ARHGAP15: variants seen among roughly 807,000 people sequenced by gnomAD.
The protein encoded by ARHGAP15 is Rho GTPase activating protein 15, also known as rho GTPase-activating protein 15.
A neutral mutation model predicts 63.7 loss-of-function variants in ARHGAP15; 51 were observed. The ratio of observed to expected loss-of-function variants is 0.80; its 90% CI spans 0.64 to 1.01. The LOEUF is 1.01. Ranked by LOEUF, ARHGAP15 falls within the 50% of genes least tolerant of loss-of-function variation. The pLI is 0.00. For missense variants in ARHGAP15, 560 were observed against 564.6 expected, an observed-to-expected ratio of 0.99 and a Z score of 0.08; for synonymous variants, 191 against 193.8, an observed-to-expected ratio of 0.99 and a Z score of 0.12.
intron 8 of ARHGAP15, among the ~76,000 whole-genome samples, chr2:143,470,584 C>CAT (rs952787949): frequency 1.4e-5 from 2 of 147,396 alleles, no homozygotes; most frequent in Non-Finnish European, 3.0e-5. Flanking sequence ...TGTGTGTGTA[C>CAT]ATATATATAT....
chr2:143,413,791 T>G (rs188177580), intron 6 of ARHGAP15, among the ~76,000 whole-genome samples: 123 of 152,210 alleles, frequency 8.1e-4, no homozygotes, highest in African/African-American at 2.9e-3. Context: ...AGCTTTTCAA[T>G]GCAGAATGCC....
chr2:143,155,519 C>T lies in ARHGAP15; in HGVS notation c.29C>T (p.Ser10Phe). Reference protein sequence around the residue: MQKSTNSDTSVETLNSTRQG... With the variant: MQKSTNSDTFVETLNSTRQG... Reference sequence around the variant, plus strand: ...CAGAAATCTACAAATTCTGATACTTCCGTGGAAACACTGAATTCTACCCGC... The same window carrying T: ...CAGAAATCTACAAATTCTGATACTTTCGTGGAAACACTGAATTCTACCCGC... Residue 10 changes from serine (S) to phenylalanine (F), a missense_variant, in exon 2 of 14, where the codon TCC becomes TTC. Coordinates refer to ENST00000295095, the MANE Select transcript of ARHGAP15 (RefSeq NM_018460.4). The T allele has an allele frequency of 6.2e-7, 1 of 1,607,526 alleles. No individual in the cohort carries two copies. Among genetic ancestry groups the T allele is most frequent in the Non-Finnish European group, 8.5e-7 (1 of 1,177,486 alleles).
At chr2:143,587,731 T>C in intron 11 of ARHGAP15, 1 of 469,300 alleles carries the variant, frequency 2.1e-6, no homozygotes. Flanking sequence ...GATGGAGACC[T>C]GTGGACACCC....
intron 5 of ARHGAP15, among the ~76,000 whole-genome samples, chr2:143,248,439 T>C (rs973057059): frequency 5.3e-5 from 8 of 152,216 alleles, no homozygotes; most frequent in Non-Finnish European, 1.0e-4. Flanking sequence ...TTTTAGCATA[T>C]GATCACAGTG....
chr2:143,287,096 A>G (rs1417998321), intron 6 of ARHGAP15, among the ~76,000 whole-genome samples: 2 of 152,208 alleles, frequency 1.3e-5, no homozygotes, highest in Non-Finnish European at 2.9e-5. Context: ...GGAATACTCA[A>G]TTGAACAAAT....
intron 11 of ARHGAP15, among the ~76,000 whole-genome samples, chr2:143,617,928 CTG>C (rs1487486164): frequency 1.3e-5 from 2 of 152,228 alleles, no homozygotes; most frequent in Admixed American, 1.3e-4. Context: ...CCTTCCATCT[CTG>C]TTTGTTTGAA....
At chr2:143,350,929 G>C (rs1012485238) in intron 6 of ARHGAP15, 1 of 151,188 alleles carries the variant, frequency 6.6e-6, no homozygotes, top group Non-Finnish European at 1.5e-5. Flanking sequence ...CAATTGTCTC[G>C]GTTCTCTTTA....
intron 12 of ARHGAP15, among the ~76,000 whole-genome samples, chr2:143,662,040 G>C (rs181471186): frequency 1.3e-5 from 2 of 152,236 alleles, no homozygotes; most frequent in African/African-American, 2.4e-5. Context: ...CATAGCAGCC[G>C]GGAAGCTCCA....
At chr2:143,541,521 G>A (rs1695052551) in intron 10 of ARHGAP15, among the ~76,000 whole-genome samples, 1 of 152,088 alleles carries the variant, frequency 6.6e-6, no homozygotes, top group African/African-American at 2.4e-5. Context: ...TCTACCTTTG[G>A]TCTTTGATGG....
chr2:143,250,382 C>A, intron 5 of ARHGAP15, 129 bp from the exon 6 acceptor site: 2 of 573,890 alleles, frequency 3.5e-6, no homozygotes, highest in Non-Finnish European at 5.7e-6. Flanking sequence ...ATTAGGTTTC[C>A]CCTGGGGAAA....
intron 6 of ARHGAP15, among the ~76,000 whole-genome samples, chr2:143,416,771 G>T (rs1425962402): frequency 6.6e-6 from 1 of 151,468 alleles, no homozygotes; most frequent in African/African-American, 2.4e-5. Context: ...TTAGTCCTAG[G>T]CATAGACCCT....
intron 12 of ARHGAP15, among the ~76,000 whole-genome samples, chr2:143,642,581 ACCT>A (rs1424116668): frequency 1.3e-5 from 2 of 152,090 alleles, no homozygotes; most frequent in Non-Finnish European, 2.9e-5. Context: ...ACATCACAGC[ACCT>A]TGTCCAAGCC....
At chr2:143,400,532 A>T (rs191528251) in intron 6 of ARHGAP15, among the ~76,000 whole-genome samples, 12 of 152,102 alleles carry the variant, frequency 7.9e-5, no homozygotes, top group South Asian at 6.2e-4. Flanking sequence ...ACATAAAAAT[A>T]TGCAAGTGCC....
chr2:143,269,117 A>G (rs1045277609), intron 6 of ARHGAP15, among the ~76,000 whole-genome samples: 4 of 152,162 alleles, frequency 2.6e-5, no homozygotes, highest in Non-Finnish European at 5.9e-5. Flanking sequence ...ATATGGGTTC[A>G]TTACGTTCAA....
chr2:143,218,440 C>A (rs1692856096), intron 4 of ARHGAP15, among the ~76,000 whole-genome samples: 1 of 151,906 alleles, frequency 6.6e-6, no homozygotes, highest in Non-Finnish European at 1.5e-5. Flanking sequence ...TTGCTTCAAT[C>A]CCTTGTAGAC....
chr2:143,412,175 G>C (rs1230993839), intron 6 of ARHGAP15, among the ~76,000 whole-genome samples: 1 of 152,114 alleles, frequency 6.6e-6, no homozygotes, highest in Non-Finnish European at 1.5e-5. Flanking sequence ...TAAAGGGTTA[G>C]GAACGGAGGC....
intron 6 of ARHGAP15, among the ~76,000 whole-genome samples, chr2:143,422,727 A>G (rs1387009509): frequency 6.6e-6 from 1 of 152,150 alleles, no homozygotes; most frequent in Non-Finnish European, 1.5e-5. Context: ...AGGTGGATTT[A>G]AAGAACTCAG....
chr2:143,518,477 T>G (rs1392362489), intron 9 of ARHGAP15, among the ~76,000 whole-genome samples: 1 of 152,248 alleles, frequency 6.6e-6, no homozygotes, highest in Non-Finnish European at 1.5e-5. Context: ...AAATGCATCC[T>G]TCACCCCTCA....
At position 143,145,568 on chromosome 2, in the gene ARHGAP15, T is replaced by C. The variant is rs73962347; in HGVS notation, c.-14-9909T>C. 2.5e-3 allele frequency among the ~76,000 whole-genome samples: 379 copies of C among 152,148 alleles called. 2 individuals carry two copies. Among genetic ancestry groups the C allele is most frequent in the African/African-American group, 8.4e-3 (347 of 41,554 alleles). On this transcript the variant is annotated intron_variant, in intron 1 of 13. Coordinates refer to ENST00000295095, the MANE Select transcript of ARHGAP15 (RefSeq NM_018460.4). ...TCTGCAAATCTGAACTTCTCAGTAT[T>C]CCCCACCCTGTCAGATTATCAATGA...
Sources: allele counts gnomAD v4.1 joint callset (sites outside exome capture counted in the v4.1 genomes callset), GRCh38; gene constraint gnomAD v4.1.1; transcripts MANE v1.5; gene names NCBI Gene and HGNC (gene_info 2026-07-23, HGNC 2026-07-21).